Variants in CCNE2 observed in about 807,000 individuals in gnomAD.
CCNE2 encodes cyclin E2.
CCNE2 carries 18 observed loss-of-function variants against 56.8 expected under a neutral mutation model. That is an observed-to-expected ratio of 0.32 (90% CI 0.22 to 0.47). The LOEUF (loss-of-function observed/expected upper bound fraction) is 0.47, where lower values mean the gene tolerates loss of function less well. Among genes scored for constraint, CCNE2 ranks in the 20% least tolerant of loss-of-function variants. The pLI is 1.00. For synonymous variants in CCNE2, 139 were observed against 149.2 expected, an observed-to-expected ratio of 0.93 and a Z score of 0.50; for missense variants, 371 against 467.1, an observed-to-expected ratio of 0.79 and a Z score of 1.90.
chr8:94,888,286 T>G (rs1171600939), intron 6 of CCNE2, among the ~76,000 whole-genome samples: 1 of 152,250 alleles, frequency 6.6e-6, no homozygotes, highest in African/African-American at 2.4e-5. Flanking sequence ...CTTACCTCAT[T>G]TATTTTTCAT....
chr8:94,881,706 G>A lies in CCNE2; in HGVS notation c.1141C>T (p.Gln381Ter). The change falls in exon 12 of 12, where the codon CAG (glutamine) becomes TAG (stop). Residue 381 changes from glutamine (Q) to a stop codon, truncating the protein, a stop_gained. Transcript: ENST00000308108. LOFTEE classifies it high-confidence loss of function. ...CCTCCATTGCACACTGGTGACAACT[G>A]TCCCCCTTTTCTGAAGGTGTTTATG... ...NYINTFRKGG[Q>*]LSPVCNGGIM... 6.2e-7 allele frequency: 1 copy of A among 1,613,574 alleles called. No homozygotes were observed. The highest frequency in any genetic ancestry group is 8.5e-7 in the Non-Finnish European group (1 of 1,179,684).
Position 94,880,351 on chromosome 8 carries a change from A to AAAAT in CCNE2, c.*1277_*1280dup. 1 of 565,788 alleles carries AAAAT rather than the reference A, an allele frequency of 1.8e-6. No individual in the cohort carries two copies. The highest frequency in any genetic ancestry group is 2.6e-5 in the South Asian group (1 of 38,228). The allele number at this position is 565,788 out of a possible 1,614,324, so 35.0% of individuals were successfully genotyped here. ...AATTAGTGGTGTTTTCTTTTCAGAC[A>AAAAT]AAATACTGAAACAAATATTAGTTTA... On this transcript the variant is annotated 3_prime_UTR_variant, in exon 12 of 12. Coordinates refer to ENST00000308108, the MANE Select transcript of CCNE2 (RefSeq NM_057749.3).
Position 94,890,507 on chromosome 8 carries a change from C to T in CCNE2, c.361G>A (p.Glu121Lys). ...KEVWLNMLKK[E>K]SRYVHDKHFE... is the part of the protein sequence containing the mutation. ...TGTTTGTCATGAACATATCTGCTCT[C>T]CTTTTTTAACATGTTTAGCCAGACT... Residue 121 changes from glutamate (E) to lysine (K), a missense_variant, in exon 6 of 12, where the codon GAG (glutamate) becomes AAG (lysine). Glu to Lys is a moderately conservative substitution (Grantham distance 56, BLOSUM62 1). Transcript: ENST00000308108. 1.3e-6 allele frequency: 2 copies of T among 1,599,296 alleles called. No individual in the cohort carries two copies. The highest frequency in any genetic ancestry group is 1.7e-6 in the Non-Finnish European group (2 of 1,172,102).
At chr8:94,896,090 T>G (rs1044084800), upstream of CCNE2, among the ~76,000 whole-genome samples, 1 of 152,040 alleles carries the variant, frequency 6.6e-6, no homozygotes, top group African/African-American at 2.4e-5. Flanking sequence ...GCGCCCTCCC[T>G]TGCTTCCTCT....
chr8:94,884,033 A>C, intron 9 of CCNE2: 1 of 328,742 alleles, frequency 3.0e-6, no homozygotes, highest in Non-Finnish European at 6.5e-6. Flanking sequence ...TGCCTAGGAC[A>C]ATTTGGGATG....
At chr8:94,883,944 T>TA in intron 9 of CCNE2, 1 of 456,108 alleles carries the variant, frequency 2.2e-6, no homozygotes, top group Non-Finnish European at 4.4e-6. Flanking sequence ...AGTGAAATAT[T>TA]ACTGTTATAT....
intron 5 of CCNE2, chr8:94,891,540 C>T: frequency 3.2e-6 from 1 of 313,046 alleles, no homozygotes; most frequent in Non-Finnish European, 6.1e-6. Flanking sequence ...TGCTTGTAAT[C>T]CCAGCTACTC....
chr8:94,884,275 T>TA (rs1816946551), intron 9 of CCNE2, among the ~76,000 whole-genome samples: 1 of 152,100 alleles, frequency 6.6e-6, no homozygotes, highest in Non-Finnish European at 1.5e-5. Context: ...TCACTTTTGT[T>TA]ATATGGCAGA....
upstream of CCNE2, chr8:94,895,251 G>A (rs1817451663): frequency 2.0e-6 from 2 of 985,342 alleles, no homozygotes; most frequent in South Asian, 4.7e-5. Context: ...GTCCCGCCCC[G>A]CACGCATGCG....
rs1817098316 is a variant in CCNE2, at chr8:94,888,052, G to A, written c.475C>T (p.His159Tyr). ...LLEVCEVYTL[H>Y]RETFYLAQDF... ...TGTGCAAGATAAAATGTTTCCCTAT[G>A]AAGTGTGTATACTTCACATACCTAG... is the stretch of plus-strand genomic sequence containing the variant. Residue 159 changes from histidine (H) to tyrosine (Y), a missense_variant, in exon 7 of 12, where the codon CAT becomes TAT. Physicochemically the swap from His to Tyr is moderately conservative, Grantham distance 83. Coordinates refer to ENST00000308108, the MANE Select transcript of CCNE2 (RefSeq NM_057749.3). 2 of 1,583,134 alleles carry A rather than the reference G, an allele frequency of 1.3e-6. No individual in the cohort carries two copies. Among genetic ancestry groups the A allele is most frequent in the South Asian group, 2.3e-5 (2 of 85,928 alleles).
chr8:94,885,200 G>C lies in CCNE2; in HGVS notation c.698C>G (p.Ala233Gly). The C allele has an allele frequency of 6.2e-7, 1 of 1,613,194 alleles. No individual in the cohort carries two copies. The highest frequency in any genetic ancestry group is 1.1e-5 in the South Asian group (1 of 91,056). Reference sequence around the variant, plus strand: ...TACAGGACAAAGTTCCCATTTTAAAGCCTATTAAACAAAATTTAAAAATGC... The same window carrying C: ...TACAGGACAAAGTTCCCATTTTAAACCCTATTAAACAAAATTTAAAAATGC... ...ILRMELIILK[A>G]LKWELCPVTI... The change falls in exon 9 of 12, where the codon GCT becomes GGT. Residue 233 changes from alanine (A) to glycine (G), a missense_variant and splice_region_variant. Coordinates refer to ENST00000308108, the MANE Select transcript of CCNE2 (RefSeq NM_057749.3).
chr8:94,884,606 CTACT>C lies in CCNE2; in HGVS notation c.831+457_831+460del, dbSNP rs375477800. The C allele has an allele frequency of 1.7e-4, 27 of 155,056 alleles. No individual in the cohort carries two copies. The East Asian group carries it at 4.9e-3, about 28-fold the overall frequency. 9.6% of individuals were successfully genotyped at this position (155,056 alleles called of 1,614,324 possible). On this transcript the variant is annotated intron_variant, in intron 9 of 11. Coordinates refer to ENST00000308108, the MANE Select transcript of CCNE2 (RefSeq NM_057749.3). ...TGCCCGGCCAGATCCTCCTCCTCCTCTACTTACTTACTTTGTTAAATATGCTAGC... is the reference window on the plus strand; with the variant it reads ...TGCCCGGCCAGATCCTCCTCCTCCTCTACTTACTTTGTTAAATATGCTAGC...
intron 9 of CCNE2, 172 bp downstream of exon 9, chr8:94,884,895 A>G: frequency 1.9e-6 from 1 of 523,666 alleles, no homozygotes; most frequent in Non-Finnish European, 3.3e-6. Context: ...TTTTTCTAGA[A>G]ATATTAAGCA....
At chr8:94,895,402 T>C (rs1817464673), upstream of CCNE2, 2 of 270,168 alleles carry the variant, frequency 7.4e-6, no homozygotes, top group Non-Finnish European at 1.1e-5. Flanking sequence ...TCTGCCCGCG[T>C]CCACCGCGCT....
At chr8:94,895,547 G>A (rs551136887), upstream of CCNE2, among the ~76,000 whole-genome samples, 1 of 152,196 alleles carries the variant, frequency 6.6e-6, no homozygotes, top group African/African-American at 2.4e-5. Flanking sequence ...GATTTCGGGG[G>A]TGTCAGCCTG....
intron 9 of CCNE2, among the ~76,000 whole-genome samples, chr8:94,884,341 C>CTT (rs34604138): frequency 2.1e-5 from 3 of 145,262 alleles, no homozygotes; most frequent in African/African-American, 5.1e-5. Flanking sequence ...GGGATCTCCT[C>CTT]TTTTTTTTTT....
chr8:94,894,091 G>A lies in CCNE2; in HGVS notation c.43C>T (p.Gln15Ter). The change falls in exon 3 of 12, where the codon CAG (glutamine) becomes TAG (stop). Residue 15 changes from glutamine to a stop codon, truncating the protein, a stop_gained. Coordinates refer to ENST00000308108, the MANE Select transcript of CCNE2 (RefSeq NM_057749.3). LOFTEE classifies it high-confidence loss of function. ...TGGGGGGATTCCGTCTGGCTGGGCT[G>A]GGGCTGCTGCTTAGCTTGTAAACGG... ...SSRLQAKQQP[Q>*]PSQTESPQEA... is the part of the protein sequence containing the mutation. 6.2e-7 allele frequency: 1 copy of A among 1,613,702 alleles called. No individual in the cohort carries two copies. Among genetic ancestry groups the A allele is most frequent in the Non-Finnish European group, 8.5e-7 (1 of 1,179,724 alleles).
intron 1 of CCNE2, 166 bp from the exon 2 acceptor site, chr8:94,894,413 A>G (rs1009144154): frequency 2.0e-5 from 13 of 641,218 alleles, no homozygotes; most frequent in Non-Finnish European, 3.3e-5. Flanking sequence ...ATGGTAATTC[A>G]TTTTGGATAC....
chr8:94,895,197 G>C lies in CCNE2; in HGVS notation c.-47C>G, dbSNP rs1475266214. On this transcript the variant is annotated 5_prime_UTR_variant, in exon 1 of 12. Coordinates refer to ENST00000308108, the MANE Select transcript of CCNE2 (RefSeq NM_057749.3). ...CTCACCGCCAGACCAGCTACCGCTCGGCTCAGCTGGCGCCGGCGCCAACCC... is the reference window on the plus strand; with the variant it reads ...CTCACCGCCAGACCAGCTACCGCTCCGCTCAGCTGGCGCCGGCGCCAACCC... 5.1e-6 allele frequency: 5 copies of C among 985,742 alleles called. No homozygotes were observed. The African/African-American group carries it at 7.0e-5, about 14-fold the overall frequency. The allele number at this position is 985,742 out of a possible 1,614,324, so 61.1% of individuals were successfully genotyped here. A position where few individuals can be genotyped will look rare whatever the true frequency, so the allele number is the denominator to read the frequency against.
Sources: gnomAD v4.1 joint callset for allele counts (sites outside exome capture counted in the v4.1 genomes callset) on GRCh38, gnomAD v4.1.1 for gene constraint, MANE v1.5 for transcripts, NCBI Gene and HGNC (gene_info 2026-07-23, HGNC 2026-07-21) for gene names.